Variants in SERGEF observed in about 807,000 individuals in gnomAD.
SERGEF encodes secretion-regulating guanine nucleotide exchange factor.
Under a neutral mutation model 50.0 loss-of-function variants are expected in SERGEF, and 51 were observed. The ratio of observed to expected loss-of-function variants is 1.02; its 90% confidence interval spans 0.81 to 1.29. The LOEUF is 1.29. Ranked by LOEUF, SERGEF falls within the 50% of genes most tolerant of loss-of-function variation. The probability of loss-of-function intolerance (pLI) is 0.00; values close to 1 mark genes in which losing one functional copy is unlikely to be tolerated. For synonymous variants in SERGEF, 205 were observed against 212.4 expected, an observed-to-expected ratio of 0.97 and a Z score of 0.30; for missense variants, 521 against 557.0, an observed-to-expected ratio of 0.94 and a Z score of 0.65.
intron 9 of SERGEF, among the ~76,000 whole-genome samples, chr11:17,957,637 T>C (rs550052791): frequency 1.3e-5 from 2 of 151,770 alleles, no homozygotes; most frequent in Non-Finnish European, 2.9e-5. Context: ...TAAAGAAATA[T>C]ATCAAAAGTC....
intron 4 of SERGEF, 91 bp downstream of exon 4, chr11:18,004,350 C>T (rs184820776): frequency 4.7e-5 from 43 of 908,062 alleles, no homozygotes; most frequent in South Asian, 4.7e-4. Context: ...TCTCAGGGAT[C>T]CTGACAGCCT....
intron 10 of SERGEF, among the ~76,000 whole-genome samples, chr11:17,813,377 A>G (rs1286930930): frequency 6.6e-6 from 1 of 152,224 alleles, no homozygotes; most frequent in African/African-American, 2.4e-5. Flanking sequence ...ACAGTGGCAA[A>G]GCAGGGTTCC....
intron 9 of SERGEF, among the ~76,000 whole-genome samples, chr11:17,903,336 G>A (rs1851780946): frequency 6.6e-6 from 1 of 152,196 alleles, no homozygotes; most frequent in Non-Finnish European, 1.5e-5. Context: ...ACTCCAACTG[G>A]CAGGTCCAGT....
intron 9 of SERGEF, chr11:17,918,663 C>CACACACA (rs1565204600): frequency 6.5e-5 from 16 of 244,608 alleles, no homozygotes; most frequent in South Asian, 3.9e-4. Context: ...TACACACACA[C>CACACACA]TCTCTCTCTC....
At chr11:17,845,307 C>G (rs1399487726) in intron 10 of SERGEF, among the ~76,000 whole-genome samples, 1 of 152,196 alleles carries the variant, frequency 6.6e-6, no homozygotes, top group Non-Finnish European at 1.5e-5. Flanking sequence ...ACTCCTTCTT[C>G]TACTCTCAGG....
intron 9 of SERGEF, among the ~76,000 whole-genome samples, chr11:17,909,044 A>G (rs893559864): frequency 6.6e-6 from 1 of 152,226 alleles, no homozygotes; most frequent in South Asian, 2.1e-4. Context: ...CTGGGGCTAA[A>G]GCCAGAATAA....
chr11:18,000,009 A>G (rs1853925612), intron 5 of SERGEF, among the ~76,000 whole-genome samples: 1 of 152,186 alleles, frequency 6.6e-6, no homozygotes, highest in African/African-American at 2.4e-5. Flanking sequence ...CTTCCTCTCT[A>G]CCTGCTAATG....
chr11:17,878,260 A>G lies in SERGEF; in HGVS notation c.1012-16T>C, dbSNP rs1370815839. ...CACAAGAGACCTGTAAAAAAAAAAAAAGACAAAGAAAATGGATAGATATTT... is the reference window on the plus strand; with the variant it reads ...CACAAGAGACCTGTAAAAAAAAAAAGAGACAAAGAAAATGGATAGATATTT... On this transcript the variant is annotated splice_polypyrimidine_tract_variant and intron_variant, in intron 9 of 10. Transcript: ENST00000265965. 3.9e-6 allele frequency: 6 copies of G among 1,539,378 alleles called. No individual in the cohort carries two copies. The Admixed American group carries it at 7.1e-5, about 18-fold the overall frequency.
intron 9 of SERGEF, among the ~76,000 whole-genome samples, chr11:17,906,231 T>C (rs1437043386): frequency 6.6e-6 from 1 of 152,024 alleles, no homozygotes; most frequent in Non-Finnish European, 1.5e-5. Context: ...AACTGAAACA[T>C]TACCAACCCT....
intron 8 of SERGEF, among the ~76,000 whole-genome samples, chr11:17,983,186 CA>C (rs1433595107): frequency 6.6e-6 from 1 of 152,188 alleles, no homozygotes; most frequent in African/African-American, 2.4e-5. Context: ...TCCAGCACCC[CA>C]AAAGCAACTG....
At chr11:17,896,556 G>T (rs1373199667) in intron 9 of SERGEF, among the ~76,000 whole-genome samples, 30 of 85,972 alleles carry the variant, frequency 3.5e-4, no homozygotes, top group Middle Eastern at 9.4e-3. Flanking sequence ...AAGGGAAGGG[G>T]AAGGGAAGGG....
intron 10 of SERGEF, among the ~76,000 whole-genome samples, chr11:17,847,848 T>C (rs982553194): frequency 2.6e-5 from 4 of 152,146 alleles, no homozygotes; most frequent in African/African-American, 4.8e-5. Context: ...AAGAAGTCTG[T>C]CTAGGGGCCA....
chr11:18,012,923 G>C, intron 1 of SERGEF, 28 bp downstream of exon 1: 2 of 1,523,206 alleles, frequency 1.3e-6, no homozygotes, highest in Non-Finnish European at 1.7e-6. Flanking sequence ...CTCAGGGCCT[G>C]CACCGGCCCG....
chr11:18,006,784 G>GA (rs1185075264), intron 2 of SERGEF, 38 bp from the exon 3 acceptor site: 4 of 1,599,550 alleles, frequency 2.5e-6, no homozygotes, highest in Non-Finnish European at 3.4e-6. Flanking sequence ...GCGTGCACAG[G>GA]AAAAAACACA....
chr11:17,808,256 A>G (rs1167710171), intron 10 of SERGEF, among the ~76,000 whole-genome samples: 3 of 152,198 alleles, frequency 2.0e-5, no homozygotes, highest in African/African-American at 7.2e-5. Flanking sequence ...TGGATAATTT[A>G]TAAAGAAAAG....
intron 10 of SERGEF, among the ~76,000 whole-genome samples, chr11:17,857,284 C>T (rs1486558530): frequency 6.6e-6 from 1 of 152,152 alleles, no homozygotes; most frequent in Non-Finnish European, 1.5e-5. Context: ...AAACTTAGGC[C>T]TTAATTTCCT....
intron 10 of SERGEF, among the ~76,000 whole-genome samples, chr11:17,876,135 T>C (rs923194074): frequency 6.6e-6 from 1 of 152,202 alleles, no homozygotes; most frequent in Admixed American, 6.5e-5. Flanking sequence ...CCTCCAGTGA[T>C]GGAGAGCCTC....
intron 8 of SERGEF, among the ~76,000 whole-genome samples, chr11:17,973,166 C>T (rs1015239439): frequency 1.3e-5 from 2 of 152,168 alleles, no homozygotes; most frequent in African/African-American, 4.8e-5. Flanking sequence ...TTCCCAAGCA[C>T]GCCTAAACCT....
chr11:17,936,709 T>C (rs1252630170), intron 9 of SERGEF, among the ~76,000 whole-genome samples: 1 of 152,190 alleles, frequency 6.6e-6, no homozygotes, highest in Non-Finnish European at 1.5e-5. Context: ...GGGGTTCCAT[T>C]CATTAGGGTT....
Sources: gnomAD v4.1 joint callset for allele counts (sites outside exome capture counted in the v4.1 genomes callset) on GRCh38, gnomAD v4.1.1 for gene constraint, MANE v1.5 for transcripts, NCBI Gene and HGNC (gene_info 2026-07-23, HGNC 2026-07-21) for gene names.